The following MYO18B variants were observed in gnomAD, a reference collection of about 807,000 sequenced individuals.
MYO18B encodes unconventional myosin-XVIIIb.
In MYO18B, 204 loss-of-function variants were observed where a neutral mutation model predicts 273.0. The ratio of observed to expected loss-of-function variants is 0.75; its 90% CI spans 0.67 to 0.84. The LOEUF (loss-of-function observed/expected upper bound fraction) is 0.84. MYO18B is among the 40% of genes least tolerant of loss of function. The probability of loss-of-function intolerance (pLI) is 0.00; values close to 1 mark genes in which losing one functional copy is unlikely to be tolerated. For synonymous variants in MYO18B, 1,330 were observed against 1,305.7 expected (o/e 1.02, Z -0.40); for missense variants, 3,212 against 3,287.6 (o/e 0.98, Z 0.56).
At position 25,862,029 on chromosome 22, in the gene MYO18B, A is replaced by G. The variant is rs185781428; in HGVS notation, c.3886-6291A>G. ...AAGGATGGTTGTGTCTGAACTGAAC[A>G]TATACAGACTTATTTTCTTGTCACG... On this transcript the variant is annotated intron_variant, in intron 21 of 43. Coordinates refer to ENST00000335473, the MANE Select transcript of MYO18B (RefSeq NM_032608.7). Among the ~76,000 whole-genome samples, 34 of 152,344 alleles carry G rather than the reference A, an allele frequency of 2.2e-4. No homozygotes were observed. In the East Asian group the frequency reaches 6.2e-3, roughly 28 times the overall value.
At chr22:25,858,215 C>T (rs952339659) in intron 21 of MYO18B, among the ~76,000 whole-genome samples, 1 of 152,214 alleles carries the variant, frequency 6.6e-6, no homozygotes, top group African/African-American at 2.4e-5. Context: ...ATTGTGTCTT[C>T]TTCCATATCT....
At position 26,014,694 on chromosome 22, in the gene MYO18B, C is replaced by T. The variant is rs780150300; in HGVS notation, c.6470+9839C>T. On this transcript the variant is annotated intron_variant, in intron 42 of 43. Coordinates refer to ENST00000335473, the MANE Select transcript of MYO18B (RefSeq NM_032608.7). ...CTTCCACCAACAGTGTATAAGCATT[C>T]GTTTTTCTCTGCAACCTCACCAGCA... Among the ~76,000 whole-genome samples the T allele has an allele frequency of 3.9e-5, 6 of 152,276 alleles. 1 individual carries two copies. The highest frequency in any genetic ancestry group is 4.2e-4 in the South Asian group (2 of 4,818).
intron 42 of MYO18B, 64 bp downstream of exon 42, chr22:26,004,919 T>C: frequency 1.3e-6 from 2 of 1,592,402 alleles, no homozygotes; most frequent in East Asian, 2.2e-5. Flanking sequence ...ACTTTGAAAG[T>C]TGTTGTTCAA....
At chr22:25,757,297 C>CA (rs2086153712) in intron 1 of MYO18B, among the ~76,000 whole-genome samples, 1 of 152,104 alleles carries the variant, frequency 6.6e-6, no homozygotes, top group African/African-American at 2.4e-5. Context: ...TCCAGGCTTA[C>CA]AAGGCCTTGA....
At position 25,908,423 on chromosome 22, in the gene MYO18B, C is replaced by T; in HGVS notation, c.5250C>T (p.Cys1750=). The part of the protein sequence containing the change: ...EEELEDVRQS[C]QKRLHQLEMQ... ...AACTGGAGGATGTCCGTCAGTCCTG[C>T]CAGAAGCGGGTACGTGAGCAGTGAA... Residue 1750 remains cysteine, a synonymous_variant, in exon 32 of 44, where the codon TGC becomes TGT. Coordinates refer to ENST00000335473, the MANE Select transcript of MYO18B (RefSeq NM_032608.7). The T allele has an allele frequency of 6.3e-7, 1 of 1,587,886 alleles. No individual in the cohort carries two copies. Among genetic ancestry groups the T allele is most frequent in the Non-Finnish European group, 8.6e-7 (1 of 1,167,254 alleles).
At chr22:26,005,546 T>C (rs1011691311) in intron 42 of MYO18B, among the ~76,000 whole-genome samples, 1 of 152,184 alleles carries the variant, frequency 6.6e-6, no homozygotes, top group African/African-American at 2.4e-5. Flanking sequence ...CCTTCTTGCT[T>C]TTCAGCTCCA....
At chr22:25,937,286 G>A (rs533521222) in intron 34 of MYO18B, among the ~76,000 whole-genome samples, 9 of 152,042 alleles carry the variant, frequency 5.9e-5, no homozygotes, top group Non-Finnish European at 1.3e-4. Context: ...GTCTTACCAT[G>A]TTGCCCAGGC....
At chr22:25,743,779 T>C (rs133852) in intron 1 of MYO18B, among the ~76,000 whole-genome samples, 83,549 of 152,016 alleles carry the variant, frequency 0.55, 22,972 homozygotes, top group East Asian at 0.67. Flanking sequence ...AGTCGGAACT[T>C]AGTTTCTCCT....
intron 37 of MYO18B, 70 bp downstream of exon 37, chr22:25,950,520 G>GTT (rs2092779815): frequency 2.0e-6 from 1 of 499,574 alleles, no homozygotes; most frequent in African/African-American, 2.3e-5. Flanking sequence ...CTAATAGGAT[G>GTT]TGTGTGTGTG....
At position 25,912,409 on chromosome 22, in the gene MYO18B, A is replaced by G. The variant is rs540063316; in HGVS notation, c.5364+1359A>G. 9.8e-5 allele frequency among the ~76,000 whole-genome samples: 15 copies of G among 152,362 alleles called. No individual in the cohort carries two copies. In the East Asian group the frequency reaches 2.9e-3, roughly 29 times the overall value. On this transcript the variant is annotated intron_variant, in intron 33 of 43. Coordinates refer to ENST00000335473, the MANE Select transcript of MYO18B (RefSeq NM_032608.7). Reference sequence around the variant, plus strand: ...GTTGCATTCTATTCAGCATAGTCTGAGAAAACAGAATAGATAATCTAGTAA... The same window carrying G: ...GTTGCATTCTATTCAGCATAGTCTGGGAAAACAGAATAGATAATCTAGTAA...
At chr22:25,851,932 G>T (rs1355209548) in intron 21 of MYO18B, among the ~76,000 whole-genome samples, 1 of 152,136 alleles carries the variant, frequency 6.6e-6, no homozygotes, top group Non-Finnish European at 1.5e-5. Flanking sequence ...ACCCGACTCA[G>T]CCCAGAATGA....
At chr22:25,794,437 C>T (rs2087817618) in intron 11 of MYO18B, among the ~76,000 whole-genome samples, 1 of 152,150 alleles carries the variant, frequency 6.6e-6, no homozygotes, top group Non-Finnish European at 1.5e-5. Flanking sequence ...CCTCCCACCT[C>T]AGCCTCCCAA....
intron 42 of MYO18B, among the ~76,000 whole-genome samples, chr22:26,017,607 T>G (rs73404462): frequency 0.032 from 4,864 of 152,292 alleles, 227 homozygotes; most frequent in African/African-American, 0.11. Flanking sequence ...ATCACTGTAT[T>G]TTTATATTAT....
chr22:25,797,997 G>A lies in MYO18B; in HGVS notation c.2421G>A (p.Gln807=), dbSNP rs781372533. ...CGGCAGCTGCCTTTGCCCAGCTCCAGGGTGCCATGGAGATGCTCGGCATCT... is the reference window on the plus strand; with the variant it reads ...CGGCAGCTGCCTTTGCCCAGCTCCAAGGTGCCATGGAGATGCTCGGCATCT... ...QKAAAAFAQL[Q]GAMEMLGISE... Residue 807 remains glutamine (Q), a synonymous_variant, in exon 12 of 44, where the codon CAG becomes CAA. Transcript: ENST00000335473. The A allele has an allele frequency of 3.7e-6, 6 of 1,613,990 alleles. No individual in the cohort carries two copies. In the East Asian group the frequency reaches 1.1e-4, roughly 30 times the overall value.
chr22:25,958,135 G>GA (rs1284225215), intron 39 of MYO18B, among the ~76,000 whole-genome samples: 1 of 151,818 alleles, frequency 6.6e-6, no homozygotes, highest in Non-Finnish European at 1.5e-5. Context: ...AGCTAGTCTC[G>GA]AACCCCTGAC....
At chr22:25,956,212 CTTT>C (rs60449297) in intron 39 of MYO18B, among the ~76,000 whole-genome samples, 2 of 139,328 alleles carry the variant, frequency 1.4e-5, no homozygotes, top group African/African-American at 2.6e-5. Context: ...ACCGAGGAAC[CTTT>C]TTTTTTTTTT....
At chr22:26,054,218 G>T in the MYO18B span, among the ~76,000 whole-genome samples, 2 of 152,176 alleles carry the variant, frequency 1.3e-5, no homozygotes, top group African/African-American at 4.8e-5. Context: ...ACAGAGTTCT[G>T]TTGTATCACT....
intron 42 of MYO18B, among the ~76,000 whole-genome samples, chr22:26,012,496 A>C (rs1198559105): frequency 6.6e-6 from 1 of 152,230 alleles, no homozygotes; most frequent in Non-Finnish European, 1.5e-5. Context: ...TTAGTGGAAA[A>C]GATTTTGAAA....
At chr22:25,863,368 T>A (rs931145037) in intron 21 of MYO18B, among the ~76,000 whole-genome samples, 1 of 152,214 alleles carries the variant, frequency 6.6e-6, no homozygotes, top group African/African-American at 2.4e-5. Flanking sequence ...TTAGTTTGGA[T>A]CATAATTTTA....
Sources: allele counts gnomAD v4.1 joint callset (sites outside exome capture counted in the v4.1 genomes callset), GRCh38; gene constraint gnomAD v4.1.1; transcripts MANE v1.5; gene names NCBI Gene and HGNC (gene_info 2026-07-23, HGNC 2026-07-21).